Variants in DAB1 observed in about 807,000 individuals in gnomAD.
DAB1 encodes the protein disabled homolog 1.
A neutral mutation model predicts 64.6 loss-of-function variants in DAB1; 15 were observed. That is an observed-to-expected ratio of 0.23 (90% confidence interval 0.16 to 0.36). The LOEUF is 0.36. Ranked by LOEUF, DAB1 falls within the 10% of genes least tolerant of loss-of-function variation. The probability of loss-of-function intolerance (pLI) is 1.00; values close to 1 mark genes in which losing one functional copy is unlikely to be tolerated. For missense variants in DAB1, 596 were observed against 706.7 expected (o/e 0.84, Z 1.78); for synonymous variants, 235 against 251.9 (o/e 0.93, Z 0.64).
intron 2 of DAB1, among the ~76,000 whole-genome samples, chr1:58,523,977 A>G (rs1026762801): frequency 5.3e-5 from 8 of 152,216 alleles, no homozygotes; most frequent in Admixed American, 2.0e-4. Context: ...GATGGAACCA[A>G]TCCAGAAAAA....
chr1:58,459,664 A>G (rs1273097495), intron 3 of DAB1, among the ~76,000 whole-genome samples: 1 of 152,244 alleles, frequency 6.6e-6, no homozygotes, highest in Non-Finnish European at 1.5e-5. Context: ...TATCATTAAT[A>G]CTTTATTCTA....
intron 9 of DAB1, among the ~76,000 whole-genome samples, chr1:57,027,658 G>T (rs961975610): frequency 6.6e-6 from 1 of 152,172 alleles, no homozygotes; most frequent in Non-Finnish European, 1.5e-5. Flanking sequence ...CTCCTTTGCA[G>T]ATGTATTGAC....
At chr1:57,551,815 T>C (rs1420743647) in intron 7 of DAB1, among the ~76,000 whole-genome samples, 1 of 152,074 alleles carries the variant, frequency 6.6e-6, no homozygotes, top group Non-Finnish European at 1.5e-5. Flanking sequence ...GCAAAAAGTG[T>C]CAGAGGAGAG....
intron 7 of DAB1, among the ~76,000 whole-genome samples, chr1:57,458,257 G>A (rs1686669470): frequency 6.6e-6 from 1 of 151,950 alleles, no homozygotes; most frequent in Non-Finnish European, 1.5e-5. Flanking sequence ...TTCTATAGTA[G>A]TCCATTGTAT....
At chr1:57,053,868 G>A (rs912674293) in intron 9 of DAB1, among the ~76,000 whole-genome samples, 16 of 150,842 alleles carry the variant, frequency 1.1e-4, no homozygotes, top group Non-Finnish European at 1.6e-4. Context: ...TTGTATTTTT[G>A]TAGAGACAGG....
At chr1:58,191,760 T>C (rs544637256) in intron 4 of DAB1, among the ~76,000 whole-genome samples, 3 of 152,304 alleles carry the variant, frequency 2.0e-5, no homozygotes, top group Non-Finnish European at 2.9e-5. Context: ...AACTTGTCTG[T>C]GAAATGTTGA....
intron 6 of DAB1, among the ~76,000 whole-genome samples, chr1:57,748,538 A>AT (rs35616476): frequency 0.38 from 57,646 of 152,018 alleles, 11,151 homozygotes; most frequent in Admixed American, 0.43. Flanking sequence ...ATTGGATATC[A>AT]CTAGTGTTGT....
chr1:58,340,369 C>T (rs991771918), intron 4 of DAB1, among the ~76,000 whole-genome samples: 4 of 152,138 alleles, frequency 2.6e-5, no homozygotes, highest in Admixed American at 2.0e-4. Flanking sequence ...TGAGCCGGGC[C>T]CCTTAAACAA....
At chr1:58,317,500 G>C (rs755613425) in intron 4 of DAB1, among the ~76,000 whole-genome samples, 1 of 152,370 alleles carries the variant, frequency 6.6e-6, no homozygotes, top group Admixed American at 6.5e-5. Flanking sequence ...GATTCAACTG[G>C]CTTGAAGATG....
intron 1 of DAB1, among the ~76,000 whole-genome samples, chr1:57,829,198 A>G (rs1367573534): frequency 1.3e-5 from 2 of 152,206 alleles, no homozygotes; most frequent in Admixed American, 1.3e-4. Context: ...ATTATGAAAA[A>G]TTTAAAAGTG....
intron 1 of DAB1, among the ~76,000 whole-genome samples, chr1:57,832,070 A>G (rs1652614308): frequency 6.6e-6 from 1 of 152,212 alleles, no homozygotes; most frequent in Admixed American, 6.5e-5. Context: ...ACACTTGCAT[A>G]TGTACACGTA....
chr1:57,150,785 G>A lies in DAB1; in HGVS notation c.68-5356C>T, dbSNP rs115361116. On this transcript the variant is annotated intron_variant, in intron 2 of 14. Transcript: ENST00000371236. Reference sequence around the variant, plus strand: ...TAAACAAAATGTACAAGGATATTTGGAGAACAGTGAGTAGTTGGCTTAGAC... The same window carrying A: ...TAAACAAAATGTACAAGGATATTTGAAGAACAGTGAGTAGTTGGCTTAGAC... Among the ~76,000 whole-genome samples, 925 of 152,244 alleles carry A rather than the reference G, an allele frequency of 6.1e-3. 3 individuals carry two copies. The highest frequency in any genetic ancestry group is 8.2e-3 in the Admixed American group (125 of 15,280).
At chr1:57,090,021 A>T (rs1478755147) in intron 4 of DAB1, among the ~76,000 whole-genome samples, 1 of 152,196 alleles carries the variant, frequency 6.6e-6, no homozygotes, top group Non-Finnish European at 1.5e-5. Context: ...GGCCAGAAGA[A>T]ACCTTCACAG....
At position 57,410,356 on chromosome 1, in the gene DAB1, C is replaced by T. The variant is rs147044147; in HGVS notation, c.-137+13574G>A. 2.2e-3 allele frequency among the ~76,000 whole-genome samples: 335 copies of T among 152,224 alleles called. 4 individuals are homozygous for T. Among genetic ancestry groups the T allele is most frequent in the Non-Finnish European group, 3.7e-4 (25 of 68,022 alleles). ...TCTTCAAAAAGCCAAGTATAAAGGG[C>T]ATGAAAGATAGTAGCCTTCAGAAAC... On this transcript the variant is annotated intron_variant, in intron 1 of 14. Transcript: ENST00000371236.
At chr1:57,166,610 A>T (rs1308093846) in intron 2 of DAB1, among the ~76,000 whole-genome samples, 1 of 152,136 alleles carries the variant, frequency 6.6e-6, no homozygotes, top group Non-Finnish European at 1.5e-5. Context: ...GTTGTCTGGG[A>T]AAGTTTTGAG....
chr1:57,537,552 G>C (rs1381584312), intron 7 of DAB1, among the ~76,000 whole-genome samples: 2 of 152,200 alleles, frequency 1.3e-5, no homozygotes, highest in Admixed American at 6.5e-5. Context: ...TTTAGGGAAA[G>C]AGCCCAGACT....
At chr1:57,150,060 G>A (rs1480669269) in intron 2 of DAB1, among the ~76,000 whole-genome samples, 3 of 152,036 alleles carry the variant, frequency 2.0e-5, no homozygotes, top group South Asian at 2.1e-4. Context: ...TAGAACATGA[G>A]TTCTGGATTC....
chr1:57,591,587 T>C (rs1158337524), intron 7 of DAB1, among the ~76,000 whole-genome samples: 1 of 152,216 alleles, frequency 6.6e-6, no homozygotes, highest in Non-Finnish European at 1.5e-5. Context: ...ACTAAGTGGA[T>C]AAATCTAGGC....
At chr1:58,430,163 T>C (rs909786126) in intron 3 of DAB1, among the ~76,000 whole-genome samples, 3 of 152,218 alleles carry the variant, frequency 2.0e-5, no homozygotes, top group Admixed American at 1.3e-4. Context: ...AAATTCAACA[T>C]ATGAATTTGG....
Sources: allele counts gnomAD v4.1 joint callset (sites outside exome capture counted in the v4.1 genomes callset), GRCh38; gene constraint gnomAD v4.1.1; transcripts MANE v1.5; gene names NCBI Gene and HGNC (gene_info 2026-07-23, HGNC 2026-07-21).